TMIGD1: variants seen among roughly 807,000 people sequenced by gnomAD.
TMIGD1 encodes the protein transmembrane and immunoglobulin domain-containing protein 1.
TMIGD1 carries 29 observed loss-of-function variants against 27.5 expected under a neutral mutation model. The observed-to-expected ratio is 1.05, with a 90% CI of 0.78 to 1.44. The LOEUF (loss-of-function observed/expected upper bound fraction) is 1.44. TMIGD1 is among the 40% of genes most tolerant of loss of function. The probability of loss-of-function intolerance (pLI) is 0.00; values close to 1 mark genes in which losing one functional copy is unlikely to be tolerated. For synonymous variants in TMIGD1, 109 were observed against 110.3 expected (o/e 0.99, Z 0.07); for missense variants, 334 against 310.6 (o/e 1.08, Z -0.57).
intron 2 of TMIGD1, among the ~76,000 whole-genome samples, chr17:30,329,971 G>T (rs997737849): frequency 6.6e-6 from 1 of 151,858 alleles, no homozygotes; most frequent in Non-Finnish European, 1.5e-5. Context: ...CATACTTTTA[G>T]CTACTTGGGA....
intron 3 of TMIGD1, among the ~76,000 whole-genome samples, chr17:30,326,175 A>G (rs1320932483): frequency 6.6e-6 from 1 of 152,234 alleles, no homozygotes; most frequent in African/African-American, 2.4e-5. Flanking sequence ...TGGTATTCAG[A>G]TAGGAAGGAA....
intron 4 of TMIGD1, among the ~76,000 whole-genome samples, chr17:30,324,117 G>A (rs1188720553): frequency 1.3e-5 from 2 of 152,200 alleles, no homozygotes; most frequent in Non-Finnish European, 2.9e-5. Flanking sequence ...AACAAGATAT[G>A]GGAGTCTCAG....
intron 2 of TMIGD1, among the ~76,000 whole-genome samples, chr17:30,330,628 A>G (rs943424478): frequency 3.3e-5 from 5 of 152,192 alleles, no homozygotes; most frequent in African/African-American, 9.7e-5. Flanking sequence ...AAAAATAAAA[A>G]GATGTTTAAG....
At chr17:30,331,695 T>A (rs1258354691) in intron 2 of TMIGD1, among the ~76,000 whole-genome samples, 1 of 151,912 alleles carries the variant, frequency 6.6e-6, no homozygotes, top group Admixed American at 6.6e-5. Context: ...TTCACGCCAT[T>A]CTCCTGCCTC....
At chr17:30,320,710 A>G (rs1402742107) in intron 4 of TMIGD1, among the ~76,000 whole-genome samples, 1 of 152,162 alleles carries the variant, frequency 6.6e-6, no homozygotes, top group African/African-American at 2.4e-5. Flanking sequence ...AGTAAAAGTG[A>G]AAGCCAGGCA....
intron 4 of TMIGD1, among the ~76,000 whole-genome samples, chr17:30,323,483 C>G (rs1316734704): frequency 6.6e-6 from 1 of 152,166 alleles, no homozygotes; most frequent in Non-Finnish European, 1.5e-5. Context: ...TGCCACCAGC[C>G]GTGGGAAGTA....
In TMIGD1 at chr17:30,324,986, T is replaced by C; in HGVS notation, c.470A>G (p.Lys157Arg). 1 of 1,614,146 alleles carries C rather than the reference T, an allele frequency of 6.2e-7. No individual in the cohort carries two copies. The highest frequency in any genetic ancestry group is 1.1e-5 in the South Asian group (1 of 91,070). The change falls in exon 4 of 7, where the codon AAA (lysine) becomes AGA (arginine). Residue 157 changes from lysine (K) to arginine (R), a missense_variant. Transcript: ENST00000328886. ...ANPQAQMMWY[K>R]NSSLLDLEKS... ...CTCTAAATCGAGGAGACTACTGTTT[T>C]TGTACCACATCATTTGAGCCTGGGG... is the stretch of plus-strand genomic sequence containing the variant.
At chr17:30,332,865 G>A (rs1246607130) in intron 1 of TMIGD1, among the ~76,000 whole-genome samples, 2 of 151,904 alleles carry the variant, frequency 1.3e-5, no homozygotes, top group African/African-American at 2.4e-5. Flanking sequence ...TAAATATAGC[G>A]AACCACATAC....
intron 3 of TMIGD1, among the ~76,000 whole-genome samples, chr17:30,327,965 T>A (rs1179253616): frequency 6.6e-6 from 1 of 151,980 alleles, no homozygotes; most frequent in Non-Finnish European, 1.5e-5. Context: ...TACCAATACC[T>A]GGAACCCAAT....
At position 30,324,934 on chromosome 17, in the gene TMIGD1, T is replaced by A; in HGVS notation, c.522A>T (p.Thr174=). The change falls in exon 4 of 7, where the codon ACA becomes ACT. Residue 174 remains threonine (T), a synonymous_variant. Transcript: ENST00000328886. ...LEKSRHQIQQ[T]SESFQLSITK... ...TGATTGACAGCTGAAAAGACTCACT[T>A]GTCTGTTGGATTTGGTGACGGCTTT... 1 of 1,614,170 alleles carries A rather than the reference T, an allele frequency of 6.2e-7. No individual in the cohort carries two copies. The highest frequency in any genetic ancestry group is 1.1e-5 in the South Asian group (1 of 91,084).
intron 3 of TMIGD1, 86 bp from the exon 4 acceptor site, chr17:30,325,180 T>C (rs760512058): frequency 5.0e-6 from 7 of 1,412,156 alleles, no homozygotes; most frequent in African/African-American, 1.4e-5. Context: ...ATCTATCTCA[T>C]GTGGTCATTT....
chr17:30,319,692 G>C (rs1174672499), intron 4 of TMIGD1, among the ~76,000 whole-genome samples: 2 of 151,932 alleles, frequency 1.3e-5, no homozygotes, highest in Non-Finnish European at 2.9e-5. Context: ...AGGGAGGAAG[G>C]CTTTGAGAGC....
At chr17:30,319,271 T>TAC (rs1460340884) in intron 4 of TMIGD1, among the ~76,000 whole-genome samples, 1 of 66,718 alleles carries the variant, frequency 1.5e-5, no homozygotes, top group Non-Finnish European at 3.1e-5. Context: ...AATATATATA[T>TAC]ATATATAGCT....
intron 4 of TMIGD1, among the ~76,000 whole-genome samples, chr17:30,321,178 T>TA (rs1909609959): frequency 1.3e-5 from 2 of 151,394 alleles, no homozygotes; most frequent in African/African-American, 4.9e-5. Flanking sequence ...TTTTTTTTTT[T>TA]AGAGATGGAG....
chr17:30,324,901 G>T lies in TMIGD1; in HGVS notation c.555C>A (p.Val185=). The change falls in exon 4 of 7, where the codon GTC becomes GTA. Residue 185 remains valine (V), a synonymous_variant. Coordinates refer to ENST00000328886, the MANE Select transcript of TMIGD1 (RefSeq NM_206832.3). The part of the protein sequence containing the change: ...SESFQLSITK[V]EKPDNGTYSC... ...TGTAGGTTCCGTTGTCAGGCTTCTC[G>T]ACTTTGGTGATTGACAGCTGAAAAG... is the stretch of plus-strand genomic sequence containing the variant. 2 of 1,614,094 alleles carry T rather than the reference G, an allele frequency of 1.2e-6. No homozygotes were observed. Among genetic ancestry groups the T allele is most frequent in the Non-Finnish European group, 1.7e-6 (2 of 1,179,998 alleles).
intron 5 of TMIGD1, among the ~76,000 whole-genome samples, chr17:30,318,564 C>G (rs369889987): frequency 6.6e-6 from 1 of 152,108 alleles, no homozygotes; most frequent in African/African-American, 2.4e-5. Context: ...AATTGCCTAC[C>G]CCTGGCAACA....
At chr17:30,323,014 A>AT (rs1397032894) in intron 4 of TMIGD1, among the ~76,000 whole-genome samples, 3 of 151,982 alleles carry the variant, frequency 2.0e-5, no homozygotes, top group Non-Finnish European at 4.4e-5. Context: ...TACAAAAACA[A>AT]TTTTTTTGAT....
chr17:30,322,874 T>C (rs527505764), intron 4 of TMIGD1, among the ~76,000 whole-genome samples: 30 of 152,316 alleles, frequency 2.0e-4, no homozygotes, highest in African/African-American at 5.8e-4. Flanking sequence ...CAAATTTCTG[T>C]TGAAAGTGAC....
At chr17:30,322,579 A>G (rs1029416524) in intron 4 of TMIGD1, among the ~76,000 whole-genome samples, 2 of 152,098 alleles carry the variant, frequency 1.3e-5, no homozygotes, top group African/African-American at 2.4e-5. Context: ...GGCTCACTGC[A>G]ACCTCTGCCT....
Sources: allele counts gnomAD v4.1 joint callset (sites outside exome capture counted in the v4.1 genomes callset), GRCh38; gene constraint gnomAD v4.1.1; transcripts MANE v1.5; gene names NCBI Gene and HGNC (gene_info 2026-07-23, HGNC 2026-07-21).